The following UTY variants were observed in gnomAD, a reference collection of about 807,000 sequenced individuals.
UTY encodes ubiquitously transcribed tetratricopeptide repeat containing, Y-linked.
A neutral mutation model predicts 32.5 loss-of-function variants in UTY; 12 were observed. The ratio of observed to expected loss-of-function variants is 0.37; its 90% CI spans 0.24 to 0.60. The LOEUF is 0.60. Among genes scored for constraint, UTY ranks in the 20% least tolerant of loss-of-function variants. UTY has a pLI of 0.69. For synonymous variants in UTY, 131 were observed against 103.4 expected, an observed-to-expected ratio of 1.27 and a Z score of -1.62; for missense variants, 303 against 299.2, an observed-to-expected ratio of 1.01 and a Z score of -0.09.
intron 5 of UTY, among the ~76,000 whole-genome samples, chrY:13,413,916 C>G: frequency 2.9e-5 from 1 of 34,472 alleles, no homozygotes; most frequent in South Asian, 6.3e-4. Context: ...TGGGCAGAGC[C>G]AGTCCAGCCA....
At chrY:13,282,498 CATT>C (rs2057076184) in intron 27 of UTY, among the ~76,000 whole-genome samples, 1 of 33,658 alleles carries the variant, frequency 3.0e-5, no homozygotes, top group Non-Finnish European at 7.4e-5. Flanking sequence ...AGATTCCAGA[CATT>C]GTATAGAAGA....
chrY:13,257,776 G>A, intron 28 of UTY, among the ~76,000 whole-genome samples: 1 of 32,488 alleles, frequency 3.1e-5, no homozygotes, highest in South Asian at 7.2e-4. Flanking sequence ...AGGATCCCCC[G>A]GTTACAGCCA....
chrY:13,247,001 T>C (rs550902352), downstream of UTY, among the ~76,000 whole-genome samples: 5 of 32,419 alleles, frequency 1.5e-4, no homozygotes, highest in African/African-American at 6.0e-4. Flanking sequence ...AACTTCATGT[T>C]TAATTGCTGA....
chrY:13,454,696 C>T, intron 3 of UTY, among the ~76,000 whole-genome samples: 1 of 32,022 alleles, frequency 3.1e-5, no homozygotes, highest in African/African-American at 1.2e-4. Context: ...CTAGCACTTA[C>T]GGAGGCCAAG....
At chrY:13,309,492 GA>G (rs2058892931) in intron 21 of UTY, among the ~76,000 whole-genome samples, 1 of 33,191 alleles carries the variant, frequency 3.0e-5, no homozygotes, top group Admixed American at 2.7e-4. Flanking sequence ...TTGGGAGGCT[GA>G]GGCAGGAGAA....
At chrY:13,444,294 C>T (rs2075478163) in intron 4 of UTY, among the ~76,000 whole-genome samples, 1 of 33,651 alleles carries the variant, frequency 3.0e-5, no homozygotes, top group African/African-American at 1.2e-4. Context: ...CAGGAACAGG[C>T]ATCATCAGAG....
chrY:13,428,965 T>C, intron 4 of UTY, among the ~76,000 whole-genome samples: 1 of 33,873 alleles, frequency 3.0e-5, no homozygotes, highest in Admixed American at 2.6e-4. Flanking sequence ...CTTGATTTGA[T>C]CCTTGGCTAG....
chrY:13,334,103 C>A, intron 18 of UTY, among the ~76,000 whole-genome samples: 1 of 33,583 alleles, frequency 3.0e-5, no homozygotes, highest in Non-Finnish European at 7.4e-5. Flanking sequence ...TCCCTTTCAC[C>A]GTTTCGCCCT....
intron 27 of UTY, among the ~76,000 whole-genome samples, chrY:13,263,803 C>A (rs2055479859): frequency 5.9e-5 from 2 of 33,904 alleles, no homozygotes; most frequent in Non-Finnish European, 1.5e-4. Context: ...ATAATCTGCT[C>A]TGAAGAAAAG....
Position 13,297,729 on chromosome Y carries a change from G to C in UTY, c.3988C>G (p.Pro1330Ala). 5.0e-6 allele frequency: 2 copies of C among 398,210 alleles called. No individual in the cohort carries two copies. The highest frequency in any genetic ancestry group is 7.1e-6 in the Non-Finnish European group (2 of 283,255). The change falls in exon 27 of 30, where the codon CCA becomes GCA. Residue 1330 changes from proline to alanine, a missense_variant. Pro to Ala is a conservative substitution (Grantham distance 27, BLOSUM62 -1). Coordinates refer to ENST00000545955, the MANE Select transcript of UTY (RefSeq NM_001258249.2). ...TACTTAATCATTTCAAAAAGCTTTG[G>C]ATCTGAGACTTTGATATTTCGTGCC... The part of the protein sequence containing the change: ...NMARNIKVSD[P>A]KLFEMIKYCL...
chrY:13,360,569 A>G, intron 10 of UTY, 41 bp from the exon 11 acceptor site: 1 of 327,848 alleles, frequency 3.1e-6, no homozygotes, highest in Non-Finnish European at 4.4e-6. Flanking sequence ...TCCATTAATA[A>G]TTTATTTGCC....
intron 3 of UTY, among the ~76,000 whole-genome samples, chrY:13,458,871 A>G (rs1603473825): frequency 6.1e-5 from 2 of 32,811 alleles, no homozygotes; most frequent in South Asian, 6.8e-4. Context: ...TTGTAGGGAC[A>G]TGGATGAAGC....
At chrY:13,451,192 C>A (rs2076288601) in intron 3 of UTY, among the ~76,000 whole-genome samples, 1 of 33,458 alleles carries the variant, frequency 3.0e-5, no homozygotes, top group East Asian at 7.7e-4. Context: ...TGGGGTTGTT[C>A]AAACCCATAG....
intron 27 of UTY, among the ~76,000 whole-genome samples, chrY:13,289,592 A>G: frequency 2.9e-5 from 1 of 34,067 alleles, no homozygotes; most frequent in East Asian, 7.7e-4. Flanking sequence ...CTTAAAAAGG[A>G]CAGGAATTGC....
intron 3 of UTY, among the ~76,000 whole-genome samples, chrY:13,468,807 G>T: frequency 3.0e-5 from 1 of 33,332 alleles, no homozygotes; most frequent in Admixed American, 2.7e-4. Context: ...TTTTTAAATG[G>T]CAAAGTTCCA....
rs2067878725 is a variant in UTY at position 13,394,119 on chromosome Y, TTAAG to T, written c.611-230_611-227del. On this transcript the variant is annotated intron_variant, in intron 7 of 29. Coordinates refer to ENST00000545955, the MANE Select transcript of UTY (RefSeq NM_001258249.2). ...CAAGAAAAACAATCAATATAAAAGA[TTAAG>T]TAATATTGTAACAAATTTATTAATA... is the stretch of plus-strand genomic sequence containing the variant. 1.8e-4 allele frequency among the ~76,000 whole-genome samples: 6 copies of T among 33,137 alleles called. No homozygotes were observed. In the South Asian group the frequency reaches 2.7e-3, roughly 15 times the overall value. 88.9% of individuals were successfully genotyped at this position (33,137 alleles called of 37,273 possible).
chrY:13,450,881 C>A (rs2076263444), intron 3 of UTY, among the ~76,000 whole-genome samples: 1 of 31,304 alleles, frequency 3.2e-5, no homozygotes, highest in African/African-American at 1.3e-4. Context: ...CTCTCCCATG[C>A]CCAGAATGGC....
chrY:13,460,112 T>C (rs1016832589), intron 3 of UTY, among the ~76,000 whole-genome samples: 16 of 32,906 alleles, frequency 4.9e-4, no homozygotes, highest in Non-Finnish European at 5.2e-4. Context: ...TACCTGAAAT[T>C]CACTGTTTCA....
chrY:13,394,924 A>G, intron 7 of UTY, among the ~76,000 whole-genome samples: 1 of 32,891 alleles, frequency 3.0e-5, no homozygotes, highest in Admixed American at 2.8e-4. Flanking sequence ...CAGCCCCTTT[A>G]ATATGCTCCA....
Sources: allele counts gnomAD v4.1 joint callset (sites outside exome capture counted in the v4.1 genomes callset), GRCh38; gene constraint gnomAD v4.1.1; transcripts MANE v1.5; gene names NCBI Gene and HGNC (gene_info 2026-07-23, HGNC 2026-07-21).